The following SMCO4 variants were observed in gnomAD, a reference collection of about 807,000 sequenced individuals.
SMCO4 encodes single-pass membrane protein with coiled-coil domains 4.
A neutral mutation model predicts 3.6 loss-of-function variants in SMCO4; 4 were observed. The observed-to-expected ratio is 1.11, with a 90% CI of 0.54 to 2.53. SMCO4 has a LOEUF of 2.53. Among genes scored for constraint, SMCO4 ranks in the 30% most tolerant of loss-of-function variants. The pLI, the probability that SMCO4 is intolerant of heterozygous loss-of-function variation, is 0.02. For synonymous variants in SMCO4, 36 were observed against 35.3 expected, an observed-to-expected ratio of 1.02 and a Z score of -0.07; for missense variants, 70 against 80.8, an observed-to-expected ratio of 0.87 and a Z score of 0.51.
At chr11:93,507,578 A>T (rs1948919517) in intron 1 of SMCO4, among the ~76,000 whole-genome samples, 1 of 152,270 alleles carries the variant, frequency 6.6e-6, no homozygotes, top group Admixed American at 6.5e-5. Context: ...CTAATGATGC[A>T]TGATGTTACA....
intron 1 of SMCO4, among the ~76,000 whole-genome samples, chr11:93,527,559 C>T (rs765560170): frequency 6.6e-6 from 1 of 152,266 alleles, no homozygotes; most frequent in Non-Finnish European, 1.5e-5. Context: ...TGGGCTCAAG[C>T]GACCTTCCCA....
chr11:93,508,937 A>AACTGGGTTAT (rs1948933277), intron 1 of SMCO4, among the ~76,000 whole-genome samples: 2 of 152,182 alleles, frequency 1.3e-5, no homozygotes, highest in South Asian at 2.1e-4. Context: ...ATCTAGGTAA[A>AACTGGGTTAT]ACTGGGTTAT....
the SMCO4 span, among the ~76,000 whole-genome samples, chr11:93,552,412 T>C: frequency 6.7e-6 from 1 of 149,898 alleles, no homozygotes; most frequent in African/African-American, 2.4e-5. Context: ...AGTGCTGGGA[T>C]TACAGGCGTA....
At chr11:93,514,199 G>C (rs1364947633) in intron 1 of SMCO4, among the ~76,000 whole-genome samples, 1 of 151,796 alleles carries the variant, frequency 6.6e-6, no homozygotes, top group African/African-American at 2.4e-5. Flanking sequence ...TCTGTTAGGA[G>C]AATTCTGATC....
intron 1 of SMCO4, among the ~76,000 whole-genome samples, chr11:93,506,632 G>A (rs777264500): frequency 2.6e-5 from 4 of 151,888 alleles, no homozygotes; most frequent in Admixed American, 1.3e-4. Flanking sequence ...TAGTAGAGAC[G>A]GGGTTTCACC....
intron 2 of SMCO4, chr11:93,481,432 T>G: frequency 1.0e-6 from 1 of 985,398 alleles, no homozygotes; most frequent in African/African-American, 1.7e-5. Flanking sequence ...GATGCCCACC[T>G]TCGCGGGACC....
upstream of SMCO4, among the ~76,000 whole-genome samples, chr11:93,547,670 T>C (rs1016128143): frequency 1.3e-5 from 2 of 152,184 alleles, no homozygotes; most frequent in African/African-American, 2.4e-5. Context: ...AATCAATCAA[T>C]AAATGAGCAA....
At chr11:93,489,027 A>G (rs1565373937) in intron 2 of SMCO4, among the ~76,000 whole-genome samples, 1 of 152,148 alleles carries the variant, frequency 6.6e-6, no homozygotes, top group Non-Finnish European at 1.5e-5. Flanking sequence ...AAGAGGGGTC[A>G]GGGGCAAGAT....
intron 1 of SMCO4, among the ~76,000 whole-genome samples, chr11:93,536,196 T>C (rs751875604): frequency 4.6e-5 from 7 of 152,146 alleles, no homozygotes; most frequent in Non-Finnish European, 1.0e-4. Context: ...GATCCATTTC[T>C]TTCACCCAGG....
chr11:93,488,325 A>C (rs1948674134), intron 2 of SMCO4, among the ~76,000 whole-genome samples: 1 of 152,220 alleles, frequency 6.6e-6, no homozygotes, highest in Admixed American at 6.5e-5. Flanking sequence ...GCAGAGGGCA[A>C]GATGGGGCCA....
At chr11:93,525,485 G>A (rs1370655826) in intron 1 of SMCO4, among the ~76,000 whole-genome samples, 1 of 152,104 alleles carries the variant, frequency 6.6e-6, no homozygotes, top group East Asian at 1.9e-4. Context: ...GTGAGGATCA[G>A]CAATTTTCAG....
At chr11:93,512,535 T>G (rs1226108727) in intron 1 of SMCO4, among the ~76,000 whole-genome samples, 1 of 152,242 alleles carries the variant, frequency 6.6e-6, no homozygotes, top group East Asian at 1.9e-4. Context: ...TTCAAATCTT[T>G]TATACTATAT....
At chr11:93,549,085 G>A in the SMCO4 span, among the ~76,000 whole-genome samples, 2 of 152,158 alleles carry the variant, frequency 1.3e-5, no homozygotes, top group African/African-American at 2.4e-5. Context: ...TTCCTGCCCT[G>A]AGACTCTATT....
intron 1 of SMCO4, among the ~76,000 whole-genome samples, chr11:93,530,849 C>T (rs1446637287): frequency 1.3e-5 from 2 of 152,200 alleles, no homozygotes; most frequent in African/African-American, 2.4e-5. Context: ...CTCACCTTCC[C>T]CTCTGCTGCG....
At chr11:93,547,653 T>G (rs1471113972), upstream of SMCO4, among the ~76,000 whole-genome samples, 1 of 152,206 alleles carries the variant, frequency 6.6e-6, no homozygotes, top group Non-Finnish European at 1.5e-5. Flanking sequence ...TCAATAAATA[T>G]GTATTAAATC....
intron 1 of SMCO4, among the ~76,000 whole-genome samples, chr11:93,537,304 C>G (rs1276205043): frequency 1.3e-5 from 2 of 152,218 alleles, no homozygotes; most frequent in East Asian, 3.9e-4. Context: ...GAAGCCCACG[C>G]ATTTGAGTCC....
chr11:93,502,034 G>A (rs566340092), intron 1 of SMCO4, among the ~76,000 whole-genome samples: 2 of 151,738 alleles, frequency 1.3e-5, no homozygotes, highest in South Asian at 2.1e-4. Context: ...TGACCCAGGG[G>A]GCAAAGTACA....
rs1591299006 is a variant in SMCO4, at chr11:93,479,150, T to G, written c.40A>C (p.Lys14Gln). ...LKGKPKKETS[K>Q]DKKERKQAMQ... is the part of the protein sequence containing the mutation. ...GCTTGCTTCCGCTCCTTCTTGTCCT[T>G]GGAGGTCTCCTTCTTGGGCTTCCCT... is the stretch of plus-strand genomic sequence containing the variant. Residue 14 changes from lysine to glutamine, a missense_variant, in exon 3 of 3, where the codon AAG becomes CAG. Transcript: ENST00000298966. 6.2e-7 allele frequency: 1 copy of G among 1,614,128 alleles called. No individual in the cohort carries two copies. Among genetic ancestry groups the G allele is most frequent in the East Asian group, 2.2e-5 (1 of 44,828 alleles).
chr11:93,478,965 G>T lies in SMCO4; in HGVS notation c.*45C>A, dbSNP rs375399707. 6.4e-7 allele frequency: 1 copy of T among 1,566,796 alleles called. No individual in the cohort carries two copies. The highest frequency in any genetic ancestry group is 8.6e-7 in the Non-Finnish European group (1 of 1,156,088). On this transcript the variant is annotated 3_prime_UTR_variant, in exon 3 of 3. Transcript: ENST00000298966. ...CATTTTTTGTTTGCGTCCCCCTCCC[G>T]CGCCTCCTCTCCCTGCCGATGGGGT...
Sources: allele counts gnomAD v4.1 joint callset (sites outside exome capture counted in the v4.1 genomes callset), GRCh38; gene constraint gnomAD v4.1.1; transcripts MANE v1.5; gene names NCBI Gene and HGNC (gene_info 2026-07-23, HGNC 2026-07-21).